Variants in DNAH1 observed in about 807,000 individuals in gnomAD.
DNAH1 encodes axonemal beta dynein heavy chain 1.
DNAH1 carries 327 observed loss-of-function variants against 484.3 expected under a neutral mutation model. That is an observed-to-expected ratio of 0.68 (90% CI 0.62 to 0.74). DNAH1 has a LOEUF of 0.74. DNAH1 is among the 30% of genes least tolerant of loss of function. The pLI is 0.00. For missense variants in DNAH1, 5,052 were observed against 5,546.8 expected (o/e 0.91, Z 2.83); for synonymous variants, 2,192 against 2,191.9 (o/e 1.00, Z 0.00).
chr3:52,400,358 A>G lies in DNAH1; in HGVS notation c.12710A>G (p.Tyr4237Cys). 1 of 1,613,934 alleles carries G rather than the reference A, an allele frequency of 6.2e-7. No homozygotes were observed. The highest frequency in any genetic ancestry group is 8.5e-7 in the Non-Finnish European group (1 of 1,179,878). ...TLSTTGHSTN[Y>C]VIAVEIPTHQ... ...TCAACCACAGGACACTCTACCAACT[A>G]TGTCATTGCTGTGGAGATCCCCACC... is the stretch of plus-strand genomic sequence containing the variant. The change falls in exon 78 of 78, where the codon TAT (tyrosine) becomes TGT (cysteine). Residue 4237 changes from tyrosine (Y) to cysteine (C), a missense_variant. By Grantham distance (194) the Tyr-to-Cys change is radical. Transcript: ENST00000420323.
rs1361726177 is a variant in DNAH1, at chr3:52,364,489, G to A, written c.5245-149G>A. ...AAGAAGGTGCACCTGCCCAGGCTGG[G>A]CATGTAGGTGGTCCCAGCAGGTCTG... On this transcript the variant is annotated intron_variant, in intron 32 of 77. Transcript: ENST00000420323. This position sits in a 1 kb window ranked among gnomAD's most constrained non-coding sequence, Gnocchi z 4.2. 3.5e-6 allele frequency: 3 copies of A among 856,954 alleles called. No individual in the cohort carries two copies. Among genetic ancestry groups the A allele is most frequent in the East Asian group, 2.6e-5 (1 of 38,600 alleles). The allele number at this position is 856,954 out of a possible 1,614,324, so 53.1% of individuals were successfully genotyped here.
At chr3:52,315,173 C>G (rs561553953), upstream of DNAH1, among the ~76,000 whole-genome samples, 1 of 151,892 alleles carries the variant, frequency 6.6e-6, no homozygotes, top group African/African-American at 2.4e-5. Flanking sequence ...ACACCCCCCG[C>G]CCCCGATGCC....
At chr3:52,359,835 C>T in intron 26 of DNAH1, 81 bp from the exon 27 acceptor site, 1 of 1,566,978 alleles carries the variant, frequency 6.4e-7, no homozygotes. Context: ...CTGTTTGTGG[C>T]AGAAGCCCAC....
Position 52,395,679 on chromosome 3 carries a change from G to A in DNAH1, c.11259+1G>A, listed in dbSNP as rs1438045992. ...CATCGAGCACATCAACCCCGACAAG[G>A]TGTGTTGCCCTGCCCATCACAGACC... On this transcript the variant is annotated splice_donor_variant, in intron 70 of 77. Coordinates refer to ENST00000420323, the MANE Select transcript of DNAH1 (RefSeq NM_015512.5). LOFTEE classifies it high-confidence loss of function. The surrounding 1 kb of genome is among the most constrained non-coding windows in gnomAD (Gnocchi z 4.4). The A allele has an allele frequency of 1.2e-6, 2 of 1,612,990 alleles. No homozygotes were observed. The highest frequency in any genetic ancestry group is 1.1e-5 in the South Asian group (1 of 90,964).
rs1270036776 is a variant in DNAH1 at position 52,362,027 on chromosome 3, G to A, written c.4980+261G>A. Among the ~76,000 whole-genome samples the A allele has an allele frequency of 3.3e-5, 5 of 152,224 alleles. No homozygotes were observed. Among genetic ancestry groups the A allele is most frequent in the Non-Finnish European group, 7.3e-5 (5 of 68,044 alleles). On this transcript the variant is annotated intron_variant, in intron 30 of 77. Coordinates refer to ENST00000420323, the MANE Select transcript of DNAH1 (RefSeq NM_015512.5). This position sits in a 1 kb window ranked among gnomAD's most constrained non-coding sequence, Gnocchi z 5.1. ...CCTTTCTCTAGCCACGTGCAGGGCG[G>A]CCAGGGACCTTGTTCTGGGGACAGG...
intron 14 of DNAH1, 118 bp from the exon 15 acceptor site, chr3:52,349,871 G>A: frequency 1.4e-6 from 2 of 1,417,570 alleles, no homozygotes; most frequent in Non-Finnish European, 1.9e-6. Flanking sequence ...GCCGCAGGAT[G>A]TTGTGGTGGA....
chr3:52,351,870 C>T, intron 16 of DNAH1, 92 bp from the exon 17 acceptor site: 1 of 1,464,986 alleles, frequency 6.8e-7, no homozygotes, highest in Non-Finnish European at 9.3e-7. Flanking sequence ...CACTGGCTGC[C>T]TGGGTGCCTG....
At position 52,384,857 on chromosome 3, in the gene DNAH1, C is replaced by T. The variant is rs1559558291; in HGVS notation, c.8394C>T (p.Arg2798=). Residue 2798 remains arginine (R), a synonymous_variant, in exon 53 of 78, where the codon CGC becomes CGT. Transcript: ENST00000420323. The part of the protein sequence containing the change: ...KCIEYLAELT[R]HNYVTPKSYL... ...TCGAGTACCTGGCAGAGCTGACCCG[C>T]CACAACTATGTGACCCCCAAGAGCT... 3 of 1,612,364 alleles carry T rather than the reference C, an allele frequency of 1.9e-6. No individual in the cohort carries two copies. The highest frequency in any genetic ancestry group is 1.7e-5 in the Admixed American group (1 of 59,774).
Position 52,379,235 on chromosome 3 carries a change from G to A in DNAH1, c.7377+455G>A, listed in dbSNP as rs563909947. Among the ~76,000 whole-genome samples, 2 of 152,276 alleles carry A rather than the reference G, an allele frequency of 1.3e-5. No homozygotes were observed. The highest frequency in any genetic ancestry group is 2.4e-5 in the African/African-American group (1 of 41,536). The stretch of plus-strand genomic sequence containing the variant: ...TTGTTCTGAGGGTGTAATGAGCCGT[G>A]TGGGTGGGCGGGGGACAGACCTGCA... On this transcript the variant is annotated intron_variant, in intron 47 of 77. Coordinates refer to ENST00000420323, the MANE Select transcript of DNAH1 (RefSeq NM_015512.5). This position sits in a 1 kb window ranked among gnomAD's most constrained non-coding sequence, Gnocchi z 4.4.
In DNAH1 at chr3:52,381,737, G is replaced by T; in HGVS notation, c.7706G>T (p.Cys2569Phe). 6.2e-7 allele frequency: 1 copy of T among 1,605,922 alleles called. No individual in the cohort carries two copies. Among genetic ancestry groups the T allele is most frequent in the African/African-American group, 1.3e-5 (1 of 74,870 alleles). Residue 2569 changes from cysteine to phenylalanine, a missense_variant, in exon 49 of 78, where the codon TGT (cysteine) becomes TTT (phenylalanine). By Grantham distance (205) the Cys-to-Phe change is radical (BLOSUM62 -2). Coordinates refer to ENST00000420323, the MANE Select transcript of DNAH1 (RefSeq NM_015512.5). The surrounding 1 kb of genome is among the most constrained non-coding windows in gnomAD (Gnocchi z 4.1). ...VLFMDAMSHICRISRTLRQAL... is the reference protein window; with the variant it reads ...VLFMDAMSHIFRISRTLRQAL... ...TTCATGGACGCCATGAGCCACATCT[G>T]TCGCATCAGCCGCACCCTACGCCAG...
At chr3:52,376,376 G>C (rs568726734) in intron 46 of DNAH1, among the ~76,000 whole-genome samples, 1 of 152,360 alleles carries the variant, frequency 6.6e-6, no homozygotes, top group East Asian at 1.9e-4. Context: ...GAATCTGCCC[G>C]TCGTCGCGGC....
intron 28 of DNAH1, among the ~76,000 whole-genome samples, 195 bp from the exon 29 acceptor site, chr3:52,360,969 G>C (rs1443930731): frequency 6.6e-6 from 1 of 152,144 alleles, no homozygotes; most frequent in Admixed American, 6.5e-5. Flanking sequence ...AGCTGGGCAG[G>C]GTGGTGAAAT....
At chr3:52,377,790 G>A (rs964683111) in intron 46 of DNAH1, among the ~76,000 whole-genome samples, 1 of 151,492 alleles carries the variant, frequency 6.6e-6, no homozygotes, top group African/African-American at 2.4e-5. Context: ...CCAGCATTCC[G>A]TAAAATCGCC....
chr3:52,331,539 C>T (rs1701550251), intron 7 of DNAH1, among the ~76,000 whole-genome samples: 1 of 151,984 alleles, frequency 6.6e-6, no homozygotes, highest in South Asian at 2.1e-4. Context: ...CATCAATAAG[C>T]GATGCCTGCC....
At position 52,369,000 on chromosome 3, in the gene DNAH1, C is replaced by T; in HGVS notation, c.5943+82C>T. ...TGCATCATGCTGGCCAAACTCTGCC[C>T]CCTCACCCCTTTCTCTCAGGGCCAT... On this transcript the variant is annotated intron_variant, in intron 37 of 77. Coordinates refer to ENST00000420323, the MANE Select transcript of DNAH1 (RefSeq NM_015512.5). The surrounding 1 kb of genome is among the most constrained non-coding windows in gnomAD (Gnocchi z 4.4). 2.0e-6 allele frequency: 3 copies of T among 1,496,712 alleles called. No individual in the cohort carries two copies. Among genetic ancestry groups the T allele is most frequent in the Non-Finnish European group, 2.8e-6 (3 of 1,090,264 alleles). 92.7% of individuals were successfully genotyped at this position (1,496,712 alleles called of 1,614,324 possible). A position where few individuals can be genotyped will look rare whatever the true frequency, so the allele number is the denominator to read the frequency against.
At chr3:52,366,938 AG>A in intron 36 of DNAH1, 51 bp downstream of exon 36, 1 of 1,566,384 alleles carries the variant, frequency 6.4e-7, no homozygotes, top group Non-Finnish European at 8.7e-7. Context: ...AGACCTCTGG[AG>A]GCTGTGGGCT....
chr3:52,346,789 G>T lies in DNAH1; in HGVS notation c.1955+19G>T. 1 of 1,593,412 alleles carries T rather than the reference G, an allele frequency of 6.3e-7. No individual in the cohort carries two copies. The highest frequency in any genetic ancestry group is 1.1e-5 in the South Asian group (1 of 89,028). On this transcript the variant is annotated intron_variant, in intron 11 of 77. Transcript: ENST00000420323. Reference sequence around the variant, plus strand: ...CCTACAGGTGGGGCCCGGCGGGGCGGAGGCACCTGTTGACACCAGGTGATG... The same window carrying T: ...CCTACAGGTGGGGCCCGGCGGGGCGTAGGCACCTGTTGACACCAGGTGATG...
At chr3:52,343,006 G>C (rs1164587214) in intron 8 of DNAH1, among the ~76,000 whole-genome samples, 2 of 152,140 alleles carry the variant, frequency 1.3e-5, no homozygotes, top group African/African-American at 4.8e-5. Flanking sequence ...ACAGGCCAAC[G>C]TTTAGAAGTC....
In DNAH1 at chr3:52,368,737, G is replaced by T; in HGVS notation, c.5766-4G>T. 1 of 1,612,024 alleles carries T rather than the reference G, an allele frequency of 6.2e-7. No homozygotes were observed. Among genetic ancestry groups the T allele is most frequent in the Non-Finnish European group, 8.5e-7 (1 of 1,178,894 alleles). ...TTCCAGCCCTCTCCTCCCTGGCGCT[G>T]CAGGACAGACGGGATATTCTCCTCG... On this transcript the variant is annotated splice_region_variant and splice_polypyrimidine_tract_variant and intron_variant, in intron 36 of 77. Transcript: ENST00000420323. This position sits in a 1 kb window ranked among gnomAD's most constrained non-coding sequence, Gnocchi z 4.4.
Sources: allele counts gnomAD v4.1 joint callset (sites outside exome capture counted in the v4.1 genomes callset), GRCh38; gene constraint gnomAD v4.1.1; non-coding constraint Gnocchi (gnomAD v3.1); transcripts MANE v1.5; gene names NCBI Gene and HGNC (gene_info 2026-07-23, HGNC 2026-07-21).